AMMECR1: variants seen among roughly 807,000 people sequenced by gnomAD.
AMMECR1 encodes AMMECR nuclear protein 1.
In AMMECR1, 3 loss-of-function variants were observed where a neutral mutation model predicts 22.5. That is an observed-to-expected ratio of 0.13 (90% CI 0.06 to 0.35). The LOEUF (loss-of-function observed/expected upper bound fraction) is 0.35. Among genes scored for constraint, AMMECR1 ranks in the 10% least tolerant of loss-of-function variants. The pLI, the probability that AMMECR1 is intolerant of heterozygous loss-of-function variation, is 1.00. For missense variants in AMMECR1, 235 were observed against 278.7 expected (o/e 0.84, Z 1.12); for synonymous variants, 130 against 116.7 (o/e 1.11, Z -0.74).
intron 2 of AMMECR1, among the ~76,000 whole-genome samples, chrX:110,382,553 T>C (rs545553700): frequency 4.5e-5 from 5 of 111,893 alleles, no homozygotes; most frequent in African/African-American, 1.6e-4. Flanking sequence ...TTTTGATATA[T>C]CATCCCAGTC....
At chrX:110,254,997 A>G (rs1464781847) in intron 2 of AMMECR1, among the ~76,000 whole-genome samples, 1 of 112,047 alleles carries the variant, frequency 8.9e-6, no homozygotes, top group Non-Finnish European at 1.9e-5. Flanking sequence ...GGTCATTACA[A>G]TAACTTTTGT....
At chrX:110,285,134 T>G (rs1250484004) in intron 1 of AMMECR1, among the ~76,000 whole-genome samples, 1 of 112,173 alleles carries the variant, frequency 8.9e-6, no homozygotes, top group Non-Finnish European at 1.9e-5. Flanking sequence ...TTTTCATTAT[T>G]ATATCCACAG....
At chrX:110,403,042 C>A (rs2068575566) in intron 2 of AMMECR1, among the ~76,000 whole-genome samples, 1 of 111,586 alleles carries the variant, frequency 9.0e-6, no homozygotes, top group Non-Finnish European at 1.9e-5. Context: ...AGGTGCCCCT[C>A]CCTGTAGGCT....
Position 110,265,399 on chromosome X carries a change from A to G in AMMECR1, c.474-800T>C, listed in dbSNP as rs754340105. Among the ~76,000 whole-genome samples, 192 of 111,900 alleles carry G rather than the reference A, an allele frequency of 1.7e-3. 2 individuals are homozygous for G. Among genetic ancestry groups the G allele is most frequent in the African/African-American group, 6.0e-3 (184 of 30,858 alleles). ...GAAAATTCATCTTAATTTTTAGATA[A>G]AAGTATTACCTGCAAATACAATCTC... On this transcript the variant is annotated intron_variant, in intron 1 of 5. Transcript: ENST00000262844.
chrX:110,285,607 CTAAGTA>C (rs1407477033), intron 1 of AMMECR1, among the ~76,000 whole-genome samples: 3 of 111,813 alleles, frequency 2.7e-5, no homozygotes, highest in East Asian at 2.8e-4. Context: ...CTCAAACTCT[CTAAGTA>C]TATTTCCTTA....
At position 110,259,033 on chromosome X, in the gene AMMECR1, A is replaced by C. The variant is rs888393511; in HGVS notation, c.584+5456T>G. On this transcript the variant is annotated intron_variant, in intron 2 of 5. Transcript: ENST00000262844. ...CAAAATATAAAAGCAAATTCAGTTT[A>C]CAATGAATCCCATAAGTACCCAATC... 3.6e-5 allele frequency among the ~76,000 whole-genome samples: 4 copies of C among 112,118 alleles called. No individual in the cohort carries two copies. The Admixed American group carries it at 3.8e-4, about 11-fold the overall frequency.
chrX:110,319,744 C>T (rs947496069), upstream of AMMECR1, among the ~76,000 whole-genome samples: 1 of 111,973 alleles, frequency 8.9e-6, no homozygotes, highest in East Asian at 2.8e-4. Flanking sequence ...ATTTGCCCAA[C>T]ATCACACACC....
rs777365384 is a variant in AMMECR1 at position 110,333,877 on chromosome X, G to A, written c.-147-16028C>T. Among the ~76,000 whole-genome samples the A allele has an allele frequency of 8.2e-3, 905 of 110,150 alleles. 6 individuals are homozygous for A. Among genetic ancestry groups the A allele is most frequent in the Non-Finnish European group, 0.014 (727 of 52,727 alleles). On this transcript the variant is annotated intron_variant, in intron 2 of 7. Coordinates refer to the AMMECR1 transcript ENST00000372057. ...GCATTAGGAGAAATACCTAATGTAG[G>A]TGATGGGTTTATGGGTGCAGCAAAC...
rs144326220 is a variant in AMMECR1 at position 110,377,102 on chromosome X, C to T, written c.-148+49556G>A. ...AATAAACTCTCCAGGAGAACAGGGC[C>T]CTCAAGCTTTTCCCCTAGCCTTGAA... On this transcript the variant is annotated intron_variant, in intron 2 of 7. Transcript: ENST00000372057. Among the ~76,000 whole-genome samples the T allele has an allele frequency of 7.4e-3, 827 of 111,389 alleles. 8 individuals are homozygous for T. Among genetic ancestry groups the T allele is most frequent in the African/African-American group, 0.026 (796 of 30,590 alleles).
intron 2 of AMMECR1, among the ~76,000 whole-genome samples, chrX:110,237,192 G>A (rs2067606070): frequency 9.0e-6 from 1 of 111,455 alleles, no homozygotes; most frequent in East Asian, 2.8e-4. Context: ...ATGAATCACA[G>A]GACATCAAGG....
At chrX:110,230,319 G>A (rs942745362) in intron 2 of AMMECR1, among the ~76,000 whole-genome samples, 1 of 111,993 alleles carries the variant, frequency 8.9e-6, no homozygotes, top group Non-Finnish European at 1.9e-5. Context: ...GAAGTATCAC[G>A]CAGCAATATT....
chrX:110,291,123 T>G (rs1316171735), intron 1 of AMMECR1, among the ~76,000 whole-genome samples: 1 of 111,214 alleles, frequency 9.0e-6, no homozygotes, highest in Non-Finnish European at 1.9e-5. Flanking sequence ...TTGATAATAG[T>G]GGAGTGGGGA....
chrX:110,431,914 C>G (rs905299315), intron 1 of AMMECR1, among the ~76,000 whole-genome samples: 2 of 111,850 alleles, frequency 1.8e-5, no homozygotes, highest in East Asian at 5.6e-4. Flanking sequence ...AGAGTTGACA[C>G]TGTCCAAAGG....
At chrX:110,249,437 T>C (rs188892786) in intron 2 of AMMECR1, among the ~76,000 whole-genome samples, 88 of 111,637 alleles carry the variant, frequency 7.9e-4, no homozygotes, top group African/African-American at 2.8e-3. Context: ...ATCTAAGACC[T>C]TGTTTTCCCT....
At chrX:110,335,559 C>T (rs749237837) in intron 2 of AMMECR1, among the ~76,000 whole-genome samples, 14 of 111,595 alleles carry the variant, frequency 1.3e-4, no homozygotes, top group Non-Finnish European at 2.3e-4. Flanking sequence ...CAGCCCACCA[C>T]GGACAGCTTA....
intron 2 of AMMECR1, 73 bp from the exon 3 acceptor site, chrX:110,216,705 T>C: frequency 3.0e-6 from 2 of 665,668 alleles, no homozygotes; most frequent in Admixed American, 5.9e-5. Flanking sequence ...CAAACAATTG[T>C]TTGAAAAAGG....
intron 1 of AMMECR1, among the ~76,000 whole-genome samples, chrX:110,434,297 G>T (rs1189557983): frequency 1.8e-5 from 2 of 111,556 alleles, no homozygotes; most frequent in African/African-American, 6.5e-5. Context: ...GAGCAAGAGG[G>T]AGCCACTGGA....
At chrX:110,211,748 A>G (rs922794916) in intron 3 of AMMECR1, among the ~76,000 whole-genome samples, 2 of 111,511 alleles carry the variant, frequency 1.8e-5, no homozygotes, top group African/African-American at 6.5e-5. Flanking sequence ...TTTTCCTCAA[A>G]TTATTCACTC....
intron 1 of AMMECR1, among the ~76,000 whole-genome samples, chrX:110,276,701 T>C (rs1459501641): frequency 8.9e-6 from 1 of 111,800 alleles, no homozygotes; most frequent in Non-Finnish European, 1.9e-5. Context: ...TTTCAGCTTA[T>C]AGCTCCTGAG....
Sources: allele counts gnomAD v4.1 joint callset (sites outside exome capture counted in the v4.1 genomes callset), GRCh38; gene constraint gnomAD v4.1.1; transcripts MANE v1.5; gene names NCBI Gene and HGNC (gene_info 2026-07-23, HGNC 2026-07-21).